CACNA1E: variants seen among roughly 807,000 people sequenced by gnomAD.
CACNA1E encodes the protein calcium voltage-gated channel subunit alpha1 E.
Under a neutral mutation model 259.2 loss-of-function variants are expected in CACNA1E, and 40 were observed. That is an observed-to-expected ratio of 0.15 (90% confidence interval 0.12 to 0.20). CACNA1E has a LOEUF of 0.20. Among genes scored for constraint, CACNA1E ranks in the 10% least tolerant of loss-of-function variants. The pLI is 1.00. For synonymous variants in CACNA1E, 1,104 were observed against 1,138.5 expected, an observed-to-expected ratio of 0.97 and a Z score of 0.61; for missense variants, 1,874 against 3,040.1, an observed-to-expected ratio of 0.62 and a Z score of 9.02.
At chr1:181,469,019 CATT>C (rs1662326718) in intron 2 of CACNA1E, among the ~76,000 whole-genome samples, 1 of 152,066 alleles carries the variant, frequency 6.6e-6, no homozygotes, top group Admixed American at 6.6e-5. Flanking sequence ...CTAGAAAACT[CATT>C]CATTCATTCA....
intron 6 of CACNA1E, among the ~76,000 whole-genome samples, chr1:181,592,371 C>A (rs1263134640): frequency 6.6e-6 from 1 of 151,890 alleles, no homozygotes; most frequent in Non-Finnish European, 1.5e-5. Context: ...GACTGCCAGG[C>A]TGTCGGGAGA....
At chr1:181,577,491 A>G (rs1651090572) in intron 3 of CACNA1E, among the ~76,000 whole-genome samples, 1 of 152,180 alleles carries the variant, frequency 6.6e-6, no homozygotes. Flanking sequence ...CAGGAATGGG[A>G]CAGATGTTGT....
chr1:181,549,612 G>C (rs1211992398), intron 3 of CACNA1E, among the ~76,000 whole-genome samples: 1 of 152,208 alleles, frequency 6.6e-6, no homozygotes, highest in Admixed American at 6.5e-5. Context: ...AGAAGTGACT[G>C]TCTAAAGGGG....
chr1:181,695,763 C>T (rs1222123506), intron 7 of CACNA1E, among the ~76,000 whole-genome samples: 1 of 152,086 alleles, frequency 6.6e-6, no homozygotes, highest in African/African-American at 2.4e-5. Flanking sequence ...AGTTCGAGAC[C>T]AGCCAACATG....
intron 6 of CACNA1E, among the ~76,000 whole-genome samples, chr1:181,634,411 A>G (rs897058774): frequency 2.0e-5 from 3 of 152,216 alleles, no homozygotes; most frequent in Non-Finnish European, 4.4e-5. Flanking sequence ...GGCAAGAGAG[A>G]AAGCGAGACT....
chr1:181,653,940 G>T (rs1572500584), intron 7 of CACNA1E, among the ~76,000 whole-genome samples: 1 of 152,166 alleles, frequency 6.6e-6, no homozygotes, highest in East Asian at 1.9e-4. Context: ...TGAGGCTTTT[G>T]TGCCGTGCTT....
intron 3 of CACNA1E, among the ~76,000 whole-genome samples, chr1:181,565,686 G>T (rs1649750999): frequency 6.6e-6 from 1 of 152,340 alleles, no homozygotes; most frequent in South Asian, 2.1e-4. Context: ...AAAACAATAG[G>T]TGTACATTCT....
At chr1:181,445,102 C>T (rs994295114) in intron 2 of CACNA1E, among the ~76,000 whole-genome samples, 2 of 152,152 alleles carry the variant, frequency 1.3e-5, no homozygotes, top group African/African-American at 4.8e-5. Context: ...TTGATCAACA[C>T]TTCTATACTT....
intron 1 of CACNA1E, among the ~76,000 whole-genome samples, chr1:181,348,035 C>T (rs543697769): frequency 2.6e-5 from 4 of 152,212 alleles, no homozygotes; most frequent in Non-Finnish European, 4.4e-5. Context: ...GCCAGACCTT[C>T]CACCCAGGCT....
At chr1:181,376,589 A>G (rs1052835021) in intron 1 of CACNA1E, among the ~76,000 whole-genome samples, 6 of 152,104 alleles carry the variant, frequency 3.9e-5, no homozygotes, top group Admixed American at 6.6e-5. Context: ...GGCCCCTCAC[A>G]GCTTGGGGCA....
At chr1:181,720,086 A>C (rs1654283838) in intron 13 of CACNA1E, 120 bp from the exon 14 acceptor site, 5 of 1,230,150 alleles carry the variant, frequency 4.1e-6, no homozygotes, top group African/African-American at 1.5e-5. Context: ...TGCCCTCTTT[A>C]CTTCCTACAA....
At chr1:181,683,391 C>G (rs917850925) in intron 7 of CACNA1E, among the ~76,000 whole-genome samples, 1 of 152,136 alleles carries the variant, frequency 6.6e-6, no homozygotes, top group Non-Finnish European at 1.5e-5. Flanking sequence ...GTTCCATGCT[C>G]TTATGCTTGG....
At chr1:181,393,410 C>T (rs80037352) in intron 1 of CACNA1E, among the ~76,000 whole-genome samples, 3,088 of 152,250 alleles carry the variant, frequency 0.02, 121 homozygotes, top group African/African-American at 0.069. Context: ...TCTTTTATGT[C>T]GTCTTCAAGG....
chr1:181,764,310 T>C (rs1441842526), intron 34 of CACNA1E, among the ~76,000 whole-genome samples: 1 of 152,236 alleles, frequency 6.6e-6, no homozygotes, highest in Non-Finnish European at 1.5e-5. Context: ...CAAATGCCTG[T>C]TCTTACCAAA....
chr1:181,741,326 C>T (rs1348338450), intron 25 of CACNA1E, among the ~76,000 whole-genome samples: 1 of 152,190 alleles, frequency 6.6e-6, no homozygotes, highest in Non-Finnish European at 1.5e-5. Flanking sequence ...AATATTAACC[C>T]TCCTAACCTC....
At chr1:181,452,667 C>T (rs575040349) in intron 2 of CACNA1E, among the ~76,000 whole-genome samples, 1 of 152,352 alleles carries the variant, frequency 6.6e-6, no homozygotes, top group Non-Finnish European at 1.5e-5. Context: ...TCTATGCTGT[C>T]TTCAAGGCTA....
At chr1:181,756,554 C>T (rs372070181) in intron 29 of CACNA1E, among the ~76,000 whole-genome samples, 4 of 152,168 alleles carry the variant, frequency 2.6e-5, no homozygotes, top group Non-Finnish European at 4.4e-5. Flanking sequence ...TTATGCTGCC[C>T]GTAGTTGAAA....
At chr1:181,358,696 T>C (rs1284173304) in intron 1 of CACNA1E, among the ~76,000 whole-genome samples, 1 of 152,162 alleles carries the variant, frequency 6.6e-6, no homozygotes, top group Non-Finnish European at 1.5e-5. Flanking sequence ...CAGAGCTGTG[T>C]GTTAGCTCTG....
chr1:181,537,333 A>G (rs909227971), intron 3 of CACNA1E, among the ~76,000 whole-genome samples: 1 of 151,998 alleles, frequency 6.6e-6, no homozygotes, highest in African/African-American at 2.4e-5. Context: ...TCCTAACCTC[A>G]GGCGATCCAC....
Sources: gnomAD v4.1 joint callset for allele counts (sites outside exome capture counted in the v4.1 genomes callset) on GRCh38, gnomAD v4.1.1 for gene constraint, MANE v1.5 for transcripts, NCBI Gene and HGNC (gene_info 2026-07-23, HGNC 2026-07-21) for gene names.